PTBP3: variants seen among roughly 807,000 people sequenced by gnomAD.
The protein encoded by PTBP3 is polypyrimidine tract-binding protein 3.
Under a neutral mutation model 58.7 loss-of-function variants are expected in PTBP3, and 20 were observed. The observed-to-expected ratio is 0.34, with a 90% CI of 0.24 to 0.50. PTBP3 has a LOEUF of 0.50. PTBP3 is among the 20% of genes least tolerant of loss of function. PTBP3 has a pLI of 0.98. For synonymous variants in PTBP3, 185 were observed against 219.8 expected, an observed-to-expected ratio of 0.84 and a Z score of 1.40; for missense variants, 509 against 637.2, an observed-to-expected ratio of 0.80 and a Z score of 2.17.
intron 7 of PTBP3, 65 bp downstream of exon 7, chr9:112,250,864 G>A (rs910622770): frequency 1.1e-5 from 15 of 1,395,040 alleles, no homozygotes; most frequent in Admixed American, 1.0e-4. Flanking sequence ...AAACATACAT[G>A]GCTTAATAAA....
At position 112,220,771 on chromosome 9, in the gene PTBP3, G is replaced by A. The variant is rs1051748824; in HGVS notation, c.*3080C>T. ...AAAGTAAATCATTTTGGTGTAATTC[G>A]CTACTGTTAAATGTGTACTGCTATT... On this transcript the variant is annotated 3_prime_UTR_variant, in exon 14 of 14. Transcript: ENST00000374257. 1.3e-5 allele frequency: 13 copies of A among 982,966 alleles called. No homozygotes were observed. The highest frequency in any genetic ancestry group is 1.2e-4 in the Admixed American group (2 of 16,354). The allele number at this position is 982,966 out of a possible 1,614,324, so 60.9% of individuals were successfully genotyped here.
rs192349296 is a variant in PTBP3, at chr9:112,273,393, G to A, written c.204+2451C>T. Among the ~76,000 whole-genome samples the A allele has an allele frequency of 4.9e-3, 743 of 152,266 alleles. 3 individuals carry two copies. Among genetic ancestry groups the A allele is most frequent in the Non-Finnish European group, 7.9e-3 (540 of 68,008 alleles). On this transcript the variant is annotated intron_variant, in intron 3 of 13. Coordinates refer to ENST00000374257, the MANE Select transcript of PTBP3 (RefSeq NM_001163788.4). Reference sequence around the variant, plus strand: ...GAAAAACAGCTATGGCAACTAGCTTGTTTCTAACTGTTTTTAAATCATCTT... The same window carrying A: ...GAAAAACAGCTATGGCAACTAGCTTATTTCTAACTGTTTTTAAATCATCTT...
chr9:112,296,843 C>T (rs1479800655), intron 2 of PTBP3, among the ~76,000 whole-genome samples: 2 of 152,152 alleles, frequency 1.3e-5, no homozygotes, highest in Non-Finnish European at 2.9e-5. Context: ...AGTTCAAAAC[C>T]TGGAAATCAA....
chr9:112,351,666 TTTAA>T, the PTBP3 span, among the ~76,000 whole-genome samples: 2 of 152,234 alleles, frequency 1.3e-5, no homozygotes, highest in African/African-American at 2.4e-5. Context: ...TGTTCAATCA[TTTAA>T]TTATATCAGT....
At chr9:112,349,813 G>A in the PTBP3 span, among the ~76,000 whole-genome samples, 3 of 138,774 alleles carry the variant, frequency 2.2e-5, no homozygotes, top group South Asian at 2.3e-4. Flanking sequence ...GCGGTGAACC[G>A]AGATTGCGCC....
At chr9:112,302,204 A>G (rs1828964347) in intron 1 of PTBP3, among the ~76,000 whole-genome samples, 1 of 152,244 alleles carries the variant, frequency 6.6e-6, no homozygotes, top group Admixed American at 6.5e-5. Context: ...ATGAAAAAAA[A>G]CATTGACCTA....
intron 1 of PTBP3, among the ~76,000 whole-genome samples, chr9:112,325,193 C>T (rs1390461474): frequency 1.3e-5 from 2 of 150,038 alleles, no homozygotes; most frequent in Non-Finnish European, 2.9e-5. Flanking sequence ...CCCCGGAGAA[C>T]CTTCGACCTG....
intron 10 of PTBP3, among the ~76,000 whole-genome samples, chr9:112,229,689 T>C (rs562533621): frequency 6.6e-6 from 1 of 152,334 alleles, no homozygotes; most frequent in African/African-American, 2.4e-5. Context: ...GATGGTGATG[T>C]AACTATTCTT....
At chr9:112,265,520 T>G (rs545421155) in intron 4 of PTBP3, among the ~76,000 whole-genome samples, 14 of 151,706 alleles carry the variant, frequency 9.2e-5, no homozygotes, top group Non-Finnish European at 1.3e-4. Flanking sequence ...AAATTCTGTC[T>G]CCAAAAACAA....
intron 2 of PTBP3, among the ~76,000 whole-genome samples, chr9:112,277,542 T>C (rs555169065): frequency 6.6e-6 from 1 of 152,086 alleles, no homozygotes; most frequent in African/African-American, 2.4e-5. Flanking sequence ...GGGGATCCAG[T>C]ATCATATCAA....
chr9:112,357,166 G>T, the PTBP3 span, among the ~76,000 whole-genome samples: 2 of 152,004 alleles, frequency 1.3e-5, no homozygotes, highest in Non-Finnish European at 2.9e-5. Flanking sequence ...ACAGGCATGA[G>T]CCACCGCACC....
the PTBP3 span, among the ~76,000 whole-genome samples, chr9:112,351,566 T>A: frequency 1.3e-5 from 2 of 152,248 alleles, no homozygotes; most frequent in African/African-American, 2.4e-5. Context: ...TGGGGAGCTA[T>A]GCTCTACTTC....
chr9:112,262,318 T>G, intron 5 of PTBP3, 117 bp downstream of exon 5: 1 of 876,790 alleles, frequency 1.1e-6, no homozygotes, highest in South Asian at 3.0e-5. Context: ...GTTTTTTTCA[T>G]TATTTAAACA....
the PTBP3 span, among the ~76,000 whole-genome samples, chr9:112,355,492 G>A: frequency 6.6e-6 from 1 of 152,164 alleles, no homozygotes; most frequent in Non-Finnish European, 1.5e-5. Flanking sequence ...AAGTTCAGAA[G>A]TAGTGGTTTC....
At chr9:112,311,627 T>C (rs2132390065) in intron 1 of PTBP3, among the ~76,000 whole-genome samples, 1 of 152,174 alleles carries the variant, frequency 6.6e-6, no homozygotes, top group South Asian at 2.1e-4. Context: ...TGGCCCCCCC[T>C]AGATACTGAG....
At chr9:112,234,482 A>T (rs929099497) in intron 8 of PTBP3, among the ~76,000 whole-genome samples, 1 of 152,236 alleles carries the variant, frequency 6.6e-6, no homozygotes, top group South Asian at 2.1e-4. Context: ...TGATAAGTTT[A>T]TCAGTAAAGA....
Position 112,219,667 on chromosome 9 carries a change from T to C in PTBP3, c.*4184A>G, listed in dbSNP as rs1834736890. On this transcript the variant is annotated 3_prime_UTR_variant, in exon 14 of 14. Coordinates refer to ENST00000374257, the MANE Select transcript of PTBP3 (RefSeq NM_001163788.4). ...TACAATTCTTTGCTTGGATGAATAGTTGGTGGGACAACATTCTTTTAAAAC... is the reference window on the plus strand; with the variant it reads ...TACAATTCTTTGCTTGGATGAATAGCTGGTGGGACAACATTCTTTTAAAAC... 6.5e-6 allele frequency: 1 copy of C among 152,782 alleles called. No individual in the cohort carries two copies. The highest frequency in any genetic ancestry group is 2.4e-5 in the African/African-American group (1 of 41,580). The allele number at this position is 152,782 out of a possible 1,614,324, so 9.5% of individuals were successfully genotyped here.
intron 1 of PTBP3, among the ~76,000 whole-genome samples, chr9:112,303,136 CCT>C (rs1458844616): frequency 1.3e-5 from 2 of 152,068 alleles, no homozygotes; most frequent in African/African-American, 4.8e-5. Context: ...GTAACACTCC[CCT>C]GTCATGTAAT....
chr9:112,257,202 T>C (rs993675573), intron 5 of PTBP3, among the ~76,000 whole-genome samples: 1 of 152,230 alleles, frequency 6.6e-6, no homozygotes, highest in Non-Finnish European at 1.5e-5. Context: ...AATAGCACTC[T>C]AGTCCCCTGG....
Sources: allele counts gnomAD v4.1 joint callset (sites outside exome capture counted in the v4.1 genomes callset), GRCh38; gene constraint gnomAD v4.1.1; transcripts MANE v1.5; gene names NCBI Gene and HGNC (gene_info 2026-07-23, HGNC 2026-07-21).